Variants in TIMD4 observed in about 807,000 individuals in gnomAD.
TIMD4 encodes T cell immunoglobulin and mucin domain containing 4.
Under a neutral mutation model 41.2 loss-of-function variants are expected in TIMD4, and 31 were observed. That is an observed-to-expected ratio of 0.75 (90% confidence interval 0.57 to 1.01). TIMD4 has a LOEUF of 1.01. Among genes scored for constraint, TIMD4 ranks in the 50% least tolerant of loss-of-function variants. TIMD4 has a pLI of 0.00. For missense variants in TIMD4, 479 were observed against 472.5 expected, an observed-to-expected ratio of 1.01 and a Z score of -0.13; for synonymous variants, 204 against 177.1, an observed-to-expected ratio of 1.15 and a Z score of -1.21.
chr5:156,958,945 A>G (rs138531447), intron 1 of TIMD4, among the ~76,000 whole-genome samples: 1 of 152,304 alleles, frequency 6.6e-6, no homozygotes, highest in East Asian at 1.9e-4. Flanking sequence ...GACATAAAAT[A>G]TAAAACCCTT....
At chr5:156,938,966 C>T (rs1352638322) in intron 5 of TIMD4, among the ~76,000 whole-genome samples, 1 of 152,176 alleles carries the variant, frequency 6.6e-6, no homozygotes, top group Non-Finnish European at 1.5e-5. Context: ...CTGTCTAGCT[C>T]CTTAGCTGGC....
At chr5:156,962,245 A>G (rs993907334) in intron 1 of TIMD4, among the ~76,000 whole-genome samples, 1 of 152,176 alleles carries the variant, frequency 6.6e-6, no homozygotes, top group Non-Finnish European at 1.5e-5. Context: ...GTATTTCAAA[A>G]TAACTAGAAG....
chr5:156,954,897 A>G (rs1759943133), intron 1 of TIMD4, 141 bp from the exon 2 acceptor site: 1 of 745,116 alleles, frequency 1.3e-6, no homozygotes, highest in Non-Finnish European at 2.1e-6. Context: ...TTTTTTTTTG[A>G]TACAGGGTCT....
chr5:156,920,516 G>A lies in TIMD4; in HGVS notation c.1013-13C>T, dbSNP rs1341976479. The A allele has an allele frequency of 6.2e-7, 1 of 1,613,826 alleles. No individual in the cohort carries two copies. The highest frequency in any genetic ancestry group is 8.5e-7 in the Non-Finnish European group (1 of 1,179,906). On this transcript the variant is annotated splice_polypyrimidine_tract_variant and intron_variant, in intron 7 of 8. Coordinates refer to ENST00000274532, the MANE Select transcript of TIMD4 (RefSeq NM_138379.3). ...TCCATGAGTTTCCCTGAAAAGACAA[G>A]GCCACAGTGTGAGCAGAGTGGCTGC... is the stretch of plus-strand genomic sequence containing the variant.
rs1759310772 is a variant in TIMD4, at chr5:156,924,525, G to T, written c.894+1738C>A. The T allele has an allele frequency of 9.6e-6, 4 of 416,480 alleles. No individual in the cohort carries two copies. In the Admixed American group the frequency reaches 1.2e-4, roughly 12 times the overall value. The allele number at this position is 416,480 out of a possible 1,614,324, so 25.8% of individuals were successfully genotyped here. On this transcript the variant is annotated intron_variant, in intron 6 of 8. Transcript: ENST00000274532. ...TAGAGGTTCAAAAATAAAGAAGCAG[G>T]CATTTCTACCCAGTTTCATAGGATT...
chr5:156,933,128 G>A (rs1213880308), intron 5 of TIMD4, among the ~76,000 whole-genome samples: 1 of 152,136 alleles, frequency 6.6e-6, no homozygotes, highest in Non-Finnish European at 1.5e-5. Context: ...TGAAACTAAT[G>A]AAATTTAAAG....
chr5:156,928,774 G>C (rs1163008518), intron 5 of TIMD4, among the ~76,000 whole-genome samples: 2 of 152,170 alleles, frequency 1.3e-5, no homozygotes, highest in Admixed American at 6.5e-5. Flanking sequence ...CTAGAACTAA[G>C]TTATTGTTGT....
At chr5:156,937,113 G>A (rs904434535) in intron 5 of TIMD4, among the ~76,000 whole-genome samples, 3 of 152,094 alleles carry the variant, frequency 2.0e-5, no homozygotes, top group South Asian at 4.1e-4. Context: ...GCTTTAATAT[G>A]AGTCTATGAG....
At chr5:156,949,853 T>G (rs930125567) in intron 3 of TIMD4, 122 bp from the exon 4 acceptor site, 3 of 627,222 alleles carry the variant, frequency 4.8e-6, no homozygotes, top group Non-Finnish European at 8.8e-6. Flanking sequence ...AGTCTTGCTC[T>G]ATCACCCAGG....
intron 1 of TIMD4, among the ~76,000 whole-genome samples, chr5:156,962,689 G>A (rs534344646): frequency 3.9e-5 from 6 of 152,092 alleles, no homozygotes; most frequent in South Asian, 4.2e-4. Flanking sequence ...CAAAAACAAC[G>A]TGCAGAAAAG....
At chr5:156,959,950 G>A (rs1480953423) in intron 1 of TIMD4, among the ~76,000 whole-genome samples, 1 of 152,124 alleles carries the variant, frequency 6.6e-6, no homozygotes, top group African/African-American at 2.4e-5. Context: ...GGCTGGGGCA[G>A]GAGAATTGCT....
chr5:156,954,309 T>C lies in TIMD4; in HGVS notation c.400+106A>G. The C allele has an allele frequency of 5.6e-6, 6 of 1,074,586 alleles. No individual in the cohort carries two copies. The South Asian group carries it at 9.9e-5, about 18-fold the overall frequency. 66.6% of individuals were successfully genotyped at this position (1,074,586 alleles called of 1,614,324 possible). ...TTTATTTCAAATTCAATCTTCCCAC[T>C]CACTGTGAAAGCAACTCTAACCTCT... On this transcript the variant is annotated intron_variant, in intron 2 of 8. Coordinates refer to ENST00000274532, the MANE Select transcript of TIMD4 (RefSeq NM_138379.3).
Position 156,953,711 on chromosome 5 carries a change from T to A in TIMD4, c.400+704A>T, listed in dbSNP as rs140456793. On this transcript the variant is annotated intron_variant, in intron 2 of 8. Coordinates refer to ENST00000274532, the MANE Select transcript of TIMD4 (RefSeq NM_138379.3). Reference sequence around the variant, plus strand: ...GAGAATATAGATGTCTAGATTCCTGTCTTCCAAAGTGCCCATCCAGTTAGG... The same window carrying A: ...GAGAATATAGATGTCTAGATTCCTGACTTCCAAAGTGCCCATCCAGTTAGG... Among the ~76,000 whole-genome samples the A allele has an allele frequency of 4.6e-3, 688 of 150,638 alleles. 6 individuals are homozygous for A. The highest frequency in any genetic ancestry group is 0.015 in the African/African-American group (606 of 40,918).
chr5:156,936,142 G>A (rs537013884), intron 5 of TIMD4, among the ~76,000 whole-genome samples: 240 of 152,248 alleles, frequency 1.6e-3, no homozygotes, highest in African/African-American at 5.5e-3. Flanking sequence ...AGGAGGCTGC[G>A]GCAGGAGGAT....
At chr5:156,949,466 C>T (rs1224181302) in intron 4 of TIMD4, among the ~76,000 whole-genome samples, 185 bp downstream of exon 4, 13 of 151,830 alleles carry the variant, frequency 8.6e-5, no homozygotes, top group Non-Finnish European at 1.5e-4. Context: ...CTCTCTCTCT[C>T]TCTCTCAGCC....
chr5:156,944,060 C>CAA (rs199522710), intron 5 of TIMD4, among the ~76,000 whole-genome samples: 1 of 101,058 alleles, frequency 9.9e-6, no homozygotes, highest in African/African-American at 3.8e-5. Flanking sequence ...GACTCTGTCT[C>CAA]AAAAAAAAAA....
chr5:156,949,596 C>T, intron 4 of TIMD4, 55 bp downstream of exon 4: 3 of 1,405,970 alleles, frequency 2.1e-6, no homozygotes, highest in Non-Finnish European at 3.0e-6. Flanking sequence ...TTAGTAATTT[C>T]CTTCTCCTCA....
rs1240646252 is a variant in TIMD4 at position 156,919,434 on chromosome 5, C to T, written c.*23G>A. 10 of 1,607,638 alleles carry T rather than the reference C, an allele frequency of 6.2e-6. No individual in the cohort carries two copies. The highest frequency in any genetic ancestry group is 7.7e-6 in the Non-Finnish European group (9 of 1,174,392). The stretch of plus-strand genomic sequence containing the variant: ...CACTGGAGTGTCATGCCCCCATCCT[C>T]AATCTAACATGCTACTGCGTTGTTA... On this transcript the variant is annotated 3_prime_UTR_variant, in exon 9 of 9. Transcript: ENST00000274532.
intron 5 of TIMD4, among the ~76,000 whole-genome samples, chr5:156,946,766 T>C: frequency 6.6e-6 from 1 of 151,792 alleles, no homozygotes; most frequent in East Asian, 2.0e-4. Flanking sequence ...ATTATAGGCA[T>C]GAGCCACCGC....
Sources: gnomAD v4.1 joint callset for allele counts (sites outside exome capture counted in the v4.1 genomes callset) on GRCh38, gnomAD v4.1.1 for gene constraint, MANE v1.5 for transcripts, NCBI Gene and HGNC (gene_info 2026-07-23, HGNC 2026-07-21) for gene names.